MEF2C: variants seen among roughly 807,000 people sequenced by gnomAD.
MEF2C encodes myocyte-specific enhancer factor 2C.
In MEF2C, 6 loss-of-function variants were observed where a neutral mutation model predicts 50.5. The observed-to-expected ratio is 0.12, with a 90% confidence interval of 0.07 to 0.23. The LOEUF (loss-of-function observed/expected upper bound fraction) is 0.23. Among genes scored for constraint, MEF2C ranks in the 10% least tolerant of loss-of-function variants. The pLI is 1.00. For missense variants in MEF2C, 276 were observed against 605.0 expected (o/e 0.46, Z 5.70); for synonymous variants, 183 against 228.0 (o/e 0.80, Z 1.78).
intron 3 of MEF2C, among the ~76,000 whole-genome samples, chr5:88,798,866 CTGTT>C (rs1313950733): frequency 3.3e-5 from 5 of 152,160 alleles, no homozygotes; most frequent in Admixed American, 3.3e-4. Context: ...CTATTCCTTT[CTGTT>C]TGTTAGTTTT....
chr5:88,740,691 A>ACC (rs770543503), intron 6 of MEF2C: 2 of 983,426 alleles, frequency 2.0e-6, no homozygotes, highest in Non-Finnish European at 2.4e-6. Flanking sequence ...AAAAAAAAAA[A>ACC]CCCAAATATC....
chr5:88,765,401 C>T (rs1233455331), intron 3 of MEF2C, among the ~76,000 whole-genome samples: 3 of 152,156 alleles, frequency 2.0e-5, no homozygotes, highest in African/African-American at 7.2e-5. Context: ...AGTGATGGCA[C>T]AAACTTGAAT....
At chr5:88,780,808 C>T (rs75234086) in intron 3 of MEF2C, 3 of 985,430 alleles carry the variant, frequency 3.0e-6, no homozygotes, top group Non-Finnish European at 3.6e-6. Context: ...CTAATTACTT[C>T]CATTGTCTTG....
chr5:88,842,768 A>T (rs1279444332), intron 1 of MEF2C, among the ~76,000 whole-genome samples: 1 of 152,224 alleles, frequency 6.6e-6, no homozygotes, highest in Non-Finnish European at 1.5e-5. Context: ...TCAACTTCCT[A>T]GATACATTTT....
chr5:88,829,133 A>G (rs1812050632), intron 1 of MEF2C, among the ~76,000 whole-genome samples: 1 of 152,012 alleles, frequency 6.6e-6, no homozygotes. Context: ...TCTCAGTAAC[A>G]TAGTACCACA....
chr5:88,841,422 G>A (rs1817299031), intron 1 of MEF2C, among the ~76,000 whole-genome samples: 2 of 150,852 alleles, frequency 1.3e-5, no homozygotes, highest in Admixed American at 6.6e-5. Context: ...TCAGAGGATC[G>A]TTTGAGCCCA....
intron 1 of MEF2C, among the ~76,000 whole-genome samples, chr5:88,848,616 G>A (rs1437984238): frequency 6.6e-6 from 1 of 152,098 alleles, no homozygotes; most frequent in East Asian, 1.9e-4. Context: ...TGCAACTGGG[G>A]TAAGCACATT....
chr5:88,744,200 A>G, intron 6 of MEF2C: 5 of 854,602 alleles, frequency 5.9e-6, no homozygotes, highest in Non-Finnish European at 6.7e-6. Context: ...AAATCTAATG[A>G]CTACAAACAA....
intron 6 of MEF2C, chr5:88,734,772 T>G: frequency 1.0e-6 from 1 of 981,728 alleles, no homozygotes; most frequent in Non-Finnish European, 1.2e-6. Context: ...AAGCCTTCTA[T>G]TTTTCTCTTG....
chr5:88,740,877 G>A (rs1581568548), intron 6 of MEF2C: 1 of 985,042 alleles, frequency 1.0e-6, no homozygotes, highest in East Asian at 1.1e-4. Context: ...AAATGAGGGG[G>A]TGTCTTCATT....
chr5:88,880,570 CT>C (rs1309050832), intron 1 of MEF2C, among the ~76,000 whole-genome samples: 1 of 152,096 alleles, frequency 6.6e-6, no homozygotes, highest in African/African-American at 2.4e-5. Flanking sequence ...TTATTCAGTG[CT>C]GTTCTTTATA....
chr5:88,853,511 G>C (rs1237672659), intron 1 of MEF2C, among the ~76,000 whole-genome samples: 1 of 152,140 alleles, frequency 6.6e-6, no homozygotes, highest in East Asian at 1.9e-4. Context: ...CTGCAAAAGT[G>C]AAATCTATGC....
In MEF2C at chr5:88,717,969, T is replaced by A. The variant is rs1443899664; in HGVS notation, c.*4635A>T. On this transcript the variant is annotated 3_prime_UTR_variant, in exon 11 of 11. Transcript: ENST00000504921. ...TTAAACAGGTTATCAAAGATCTTCA[T>A]GGAACTTCTTTGATAAAGAAGTTGA... 3 of 152,234 alleles carry A rather than the reference T, an allele frequency of 2.0e-5. No individual in the cohort carries two copies. The highest frequency in any genetic ancestry group is 2.9e-5 in the Non-Finnish European group (2 of 68,038). The allele number at this position is 152,234 out of a possible 1,614,324, so 9.4% of individuals were successfully genotyped here.
upstream of MEF2C, chr5:88,887,414 T>G (rs973935147): frequency 3.9e-5 from 6 of 152,234 alleles, no homozygotes; most frequent in Non-Finnish European, 5.9e-5. Flanking sequence ...ACACGTCTAT[T>G]CTGTAAATAC....
At chr5:88,733,531 T>A (rs1301272404) in intron 6 of MEF2C, 1 of 985,242 alleles carries the variant, frequency 1.0e-6, no homozygotes, top group East Asian at 1.1e-4. Context: ...ACTACTTTGA[T>A]GGCCTGAGAT....
intron 1 of MEF2C, among the ~76,000 whole-genome samples, chr5:88,895,097 T>C (rs1174706030): frequency 6.6e-6 from 1 of 152,216 alleles, no homozygotes; most frequent in Non-Finnish European, 1.5e-5. Context: ...TATATACCAT[T>C]TCACTTTCAA....
intron 1 of MEF2C, chr5:88,889,369 C>G (rs1453654645): frequency 1.3e-5 from 2 of 153,300 alleles, no homozygotes; most frequent in Non-Finnish European, 2.9e-5. Flanking sequence ...TCTCTCTGCC[C>G]GTCTCTGCTT....
intron 6 of MEF2C, chr5:88,743,242 T>A (rs538430071): frequency 1.7e-5 from 17 of 984,394 alleles, no homozygotes; most frequent in Non-Finnish European, 2.1e-5. Context: ...AATCTTAAGT[T>A]ATGTTTTCCT....
chr5:88,789,818 T>A (rs1477340640), intron 3 of MEF2C, among the ~76,000 whole-genome samples: 1 of 152,218 alleles, frequency 6.6e-6, no homozygotes, highest in Non-Finnish European at 1.5e-5. Context: ...ATATTTCCAA[T>A]AATATAATCT....
Sources: allele counts gnomAD v4.1 joint callset (sites outside exome capture counted in the v4.1 genomes callset), GRCh38; gene constraint gnomAD v4.1.1; transcripts MANE v1.5; gene names NCBI Gene and HGNC (gene_info 2026-07-23, HGNC 2026-07-21).